Variants in RBFOX1 observed in about 807,000 individuals in gnomAD.
RBFOX1 encodes RNA binding protein fox-1 homolog 1.
Under a neutral mutation model 57.7 loss-of-function variants are expected in RBFOX1, and 8 were observed. The ratio of observed to expected loss-of-function variants is 0.14; its 90% CI spans 0.08 to 0.25. RBFOX1 has a LOEUF of 0.25. Among genes scored for constraint, RBFOX1 ranks in the 10% least tolerant of loss-of-function variants. The pLI, the probability that RBFOX1 is intolerant of heterozygous loss-of-function variation, is 1.00. For missense variants in RBFOX1, 611 were observed against 548.5 expected, an observed-to-expected ratio of 1.11 and a Z score of -1.14; for synonymous variants, 326 against 222.4, an observed-to-expected ratio of 1.47 and a Z score of -4.15.
chr16:5,463,073 TGATA>T (rs759710217), intron 1 of RBFOX1, among the ~76,000 whole-genome samples: 11 of 152,206 alleles, frequency 7.2e-5, no homozygotes, highest in Non-Finnish European at 1.3e-4. Flanking sequence ...TATACATAGA[TGATA>T]GATAGATATA....
intron 4 of RBFOX1, among the ~76,000 whole-genome samples, chr16:5,986,008 T>A (rs2060278622): frequency 6.6e-6 from 1 of 152,122 alleles, no homozygotes; most frequent in Non-Finnish European, 1.5e-5. Context: ...ACAATAGCAC[T>A]TTTTTGGGTA....
At chr16:6,494,202 C>G (rs978506884) in intron 2 of RBFOX1, among the ~76,000 whole-genome samples, 1 of 152,164 alleles carries the variant, frequency 6.6e-6, no homozygotes, top group Non-Finnish European at 1.5e-5. Flanking sequence ...TGGCTGCAAT[C>G]CACTGACCTT....
At chr16:5,362,008 TATTA>T (rs1309258157) in intron 1 of RBFOX1, among the ~76,000 whole-genome samples, 1 of 152,228 alleles carries the variant, frequency 6.6e-6, no homozygotes, top group Non-Finnish European at 1.5e-5. Context: ...GATTTTGAGA[TATTA>T]ATTGTGCCAA....
chr16:7,121,915 C>G lies in RBFOX1; in HGVS notation c.27+69817C>G, dbSNP rs144226328. On this transcript the variant is annotated intron_variant, in intron 4 of 15. Coordinates refer to ENST00000550418, the MANE Select transcript of RBFOX1 (RefSeq NM_018723.4). ...TTAAATCTTAGAAAAGGTACAAAAT[C>G]AAAGGAGAAATGATTTTGTTTTCAA... 2.7e-3 allele frequency among the ~76,000 whole-genome samples: 405 copies of G among 149,010 alleles called. 4 individuals carry two copies. The highest frequency in any genetic ancestry group is 9.6e-3 in the African/African-American group (391 of 40,894).
At chr16:7,482,436 A>T (rs2045616973) in intron 4 of RBFOX1, among the ~76,000 whole-genome samples, 1 of 149,470 alleles carries the variant, frequency 6.7e-6, no homozygotes, top group African/African-American at 2.5e-5. Flanking sequence ...ATTTCTCCTT[A>T]TACCTCTTCA....
intron 4 of RBFOX1, among the ~76,000 whole-genome samples, chr16:7,307,474 C>T (rs2096217055): frequency 1.3e-5 from 2 of 152,186 alleles, no homozygotes; most frequent in Admixed American, 6.5e-5. Context: ...TTTACTTAGG[C>T]CAATGAAGAA....
intron 4 of RBFOX1, among the ~76,000 whole-genome samples, chr16:7,300,796 G>A (rs1013704324): frequency 6.6e-6 from 1 of 152,174 alleles, no homozygotes; most frequent in African/African-American, 2.4e-5. Context: ...GTTGCCTTCT[G>A]CCTAAGGAAG....
intron 3 of RBFOX1, among the ~76,000 whole-genome samples, chr16:6,740,735 G>GA (rs2071803409): frequency 1.3e-5 from 2 of 152,158 alleles, no homozygotes; most frequent in Admixed American, 6.5e-5. Flanking sequence ...TAAATAGATG[G>GA]AAAAGCACAG....
At chr16:5,854,769 A>G (rs1287166558) in intron 3 of RBFOX1, among the ~76,000 whole-genome samples, 2 of 152,176 alleles carry the variant, frequency 1.3e-5, no homozygotes, top group African/African-American at 4.8e-5. Context: ...GCTGGATCAT[A>G]TGATAGTTCT....
Position 6,995,502 on chromosome 16 carries a change from C to A in RBFOX1, c.-15-56555C>A, listed in dbSNP as rs117658530. ...CTTTGAAGAGGGGTGTGGTGGCTCA[C>A]GCATGTAATCCCACTACTTTGGGAG... On this transcript the variant is annotated intron_variant, in intron 3 of 15. Coordinates refer to ENST00000550418, the MANE Select transcript of RBFOX1 (RefSeq NM_018723.4). Among the ~76,000 whole-genome samples the A allele has an allele frequency of 5.9e-5, 9 of 152,024 alleles. No individual in the cohort carries two copies. The South Asian group carries it at 1.9e-3, about 32-fold the overall frequency.
At chr16:7,478,954 C>A (rs1379782552) in intron 4 of RBFOX1, among the ~76,000 whole-genome samples, 1 of 151,970 alleles carries the variant, frequency 6.6e-6, no homozygotes, top group East Asian at 1.9e-4. Context: ...CCCGTGCGGA[C>A]CGAACACGGT....
At chr16:6,171,564 A>C (rs1453668284) in intron 1 of RBFOX1, among the ~76,000 whole-genome samples, 1 of 152,282 alleles carries the variant, frequency 6.6e-6, no homozygotes, top group Non-Finnish European at 1.5e-5. Context: ...GGTTCTGCAA[A>C]TGTCTTGCCA....
At chr16:5,266,976 G>A (rs778836376) in intron 1 of RBFOX1, among the ~76,000 whole-genome samples, 8 of 152,076 alleles carry the variant, frequency 5.3e-5, no homozygotes, top group Non-Finnish European at 1.0e-4. Flanking sequence ...GATTTGTAGA[G>A]TGATTGGCAT....
At chr16:6,895,080 C>G (rs116011946) in intron 3 of RBFOX1, among the ~76,000 whole-genome samples, 4 of 152,064 alleles carry the variant, frequency 2.6e-5, no homozygotes, top group Admixed American at 2.0e-4. Context: ...AATAAATAAT[C>G]TAATGACTTA....
intron 3 of RBFOX1, among the ~76,000 whole-genome samples, chr16:5,707,369 A>G (rs563599790): frequency 6.6e-6 from 1 of 152,314 alleles, no homozygotes; most frequent in South Asian, 2.1e-4. Context: ...CCTCAAGGAA[A>G]AGGGTGTGCA....
chr16:6,870,799 T>G (rs1021213326), intron 3 of RBFOX1, among the ~76,000 whole-genome samples: 1 of 152,170 alleles, frequency 6.6e-6, no homozygotes, highest in African/African-American at 2.4e-5. Flanking sequence ...AGCAACTAAT[T>G]TATGAGGCAA....
At chr16:5,412,071 C>A (rs1034041179) in intron 1 of RBFOX1, among the ~76,000 whole-genome samples, 1 of 152,090 alleles carries the variant, frequency 6.6e-6, no homozygotes, top group South Asian at 2.1e-4. Context: ...GAATGTCTTG[C>A]CCTCCTGAAG....
chr16:5,482,083 C>G (rs2151645591), intron 2 of RBFOX1, among the ~76,000 whole-genome samples: 1 of 152,260 alleles, frequency 6.6e-6, no homozygotes, highest in African/African-American at 2.4e-5. Context: ...AGTAAGGATC[C>G]TACACTAGGG....
intron 1 of RBFOX1, among the ~76,000 whole-genome samples, chr16:6,216,791 G>A (rs928159670): frequency 1.3e-5 from 2 of 151,532 alleles, no homozygotes; most frequent in African/African-American, 4.9e-5. Flanking sequence ...TATTTCTCAC[G>A]TATATGCCTC....
Sources: allele counts gnomAD v4.1 joint callset (sites outside exome capture counted in the v4.1 genomes callset), GRCh38; gene constraint gnomAD v4.1.1; transcripts MANE v1.5; gene names NCBI Gene and HGNC (gene_info 2026-07-23, HGNC 2026-07-21).